CAMK4: variants seen among roughly 807,000 people sequenced by gnomAD.
CAMK4 encodes calcium/calmodulin dependent protein kinase IV.
In CAMK4, 22 loss-of-function variants were observed where a neutral mutation model predicts 44.9. The observed-to-expected ratio is 0.49, with a 90% CI of 0.35 to 0.70. The LOEUF is 0.70. CAMK4 is among the 30% of genes least tolerant of loss of function. CAMK4 has a pLI of 0.01. For missense variants in CAMK4, 498 were observed against 586.8 expected (o/e 0.85, Z 1.56); for synonymous variants, 218 against 215.4 (o/e 1.01, Z -0.11).
intron 1 of CAMK4, among the ~76,000 whole-genome samples, chr5:111,312,815 C>T (rs1226234704): frequency 6.6e-6 from 1 of 152,142 alleles, no homozygotes; most frequent in Non-Finnish European, 1.5e-5. Flanking sequence ...GCCCTATGCT[C>T]ATATGGTATC....
At chr5:111,334,344 G>C (rs1561420132) in intron 1 of CAMK4, among the ~76,000 whole-genome samples, 1 of 151,454 alleles carries the variant, frequency 6.6e-6, no homozygotes, top group East Asian at 2.0e-4. Context: ...TTCCCTCTTG[G>C]TGACCAAAGA....
chr5:111,335,374 A>G (rs1385741062), intron 1 of CAMK4, among the ~76,000 whole-genome samples: 1 of 151,350 alleles, frequency 6.6e-6, no homozygotes, highest in East Asian at 1.9e-4. Flanking sequence ...TTTGATCTGT[A>G]TTTGGCCCTT....
intron 4 of CAMK4, among the ~76,000 whole-genome samples, chr5:111,393,899 C>T (rs1263818319): frequency 6.8e-6 from 1 of 146,478 alleles, no homozygotes; most frequent in Admixed American, 6.8e-5. Flanking sequence ...TAAAGAATCA[C>T]ATTACCAAGC....
chr5:111,485,874 T>C lies in CAMK4; in HGVS notation c.*1408T>C, dbSNP rs1431645506. ...TAGAAATTGCACTATCTCCAATTTA[T>C]TTCTAGTTTGAGTTGAAATGAATAT... On this transcript the variant is annotated 3_prime_UTR_variant, in exon 11 of 11. Coordinates refer to ENST00000282356, the MANE Select transcript of CAMK4 (RefSeq NM_001744.6). 6.6e-6 allele frequency: 1 copy of C among 152,212 alleles called. No individual in the cohort carries two copies. Among genetic ancestry groups the C allele is most frequent in the Non-Finnish European group, 1.5e-5 (1 of 68,032 alleles). 9.4% of individuals were successfully genotyped at this position (152,212 alleles called of 1,614,324 possible). A position where few individuals can be genotyped will look rare whatever the true frequency, so the allele number is the denominator to read the frequency against.
chr5:111,285,408 TACTA>T (rs1305765755), intron 1 of CAMK4, among the ~76,000 whole-genome samples: 2 of 152,234 alleles, frequency 1.3e-5, no homozygotes, highest in Non-Finnish European at 2.9e-5. Flanking sequence ...TGTGGTACTT[TACTA>T]ACTTAGTTGT....
chr5:111,270,412 C>T (rs931019985), intron 1 of CAMK4, among the ~76,000 whole-genome samples: 2 of 152,150 alleles, frequency 1.3e-5, no homozygotes, highest in African/African-American at 2.4e-5. Context: ...CTGCCATGCC[C>T]CTGGCCTCTG....
chr5:111,458,421 C>G (rs1475479584), intron 7 of CAMK4, among the ~76,000 whole-genome samples: 1 of 152,164 alleles, frequency 6.6e-6, no homozygotes, highest in African/African-American at 2.4e-5. Context: ...AGCGGTTTCT[C>G]TGGAACTTTA....
rs567835766 is a variant in CAMK4 at position 111,411,499 on chromosome 5, C to T, written c.459+16717C>T. On this transcript the variant is annotated intron_variant, in intron 5 of 10. Coordinates refer to ENST00000282356, the MANE Select transcript of CAMK4 (RefSeq NM_001744.6). ...CTCCAAATTATTCAGAAATAAATTC[C>T]GCATAGTCAGGTGGAGGAACAGATG... 4.0e-4 allele frequency among the ~76,000 whole-genome samples: 61 copies of T among 152,264 alleles called. 1 individual carries two copies. The South Asian group carries it at 0.012, about 31-fold the overall frequency.
At chr5:111,312,629 T>A (rs1748256051) in intron 1 of CAMK4, among the ~76,000 whole-genome samples, 1 of 152,136 alleles carries the variant, frequency 6.6e-6, no homozygotes, top group Admixed American at 6.6e-5. Context: ...GCCAGAAATT[T>A]CAAGATACAA....
At chr5:111,327,179 C>T (rs1036646669) in intron 1 of CAMK4, among the ~76,000 whole-genome samples, 2 of 148,512 alleles carry the variant, frequency 1.3e-5, no homozygotes, top group African/African-American at 5.0e-5. Context: ...CCACAACAGT[C>T]CCTGGTGTGT....
intron 7 of CAMK4, among the ~76,000 whole-genome samples, chr5:111,472,501 A>G (rs889728002): frequency 1.3e-5 from 2 of 152,210 alleles, no homozygotes; most frequent in African/African-American, 4.8e-5. Flanking sequence ...AGGCAAACAA[A>G]TAACACCCTT....
At chr5:111,233,530 A>T (rs534195348) in intron 1 of CAMK4, among the ~76,000 whole-genome samples, 3 of 152,346 alleles carry the variant, frequency 2.0e-5, no homozygotes, top group African/African-American at 7.2e-5. Context: ...TACCGTGAAC[A>T]ATGTTCATAT....
intron 1 of CAMK4, among the ~76,000 whole-genome samples, chr5:111,298,544 C>T (rs960815914): frequency 5.9e-5 from 9 of 152,138 alleles, no homozygotes; most frequent in Non-Finnish European, 1.0e-4. Context: ...GGCCACTGTT[C>T]TCCCCACGTT....
rs967985276 is a variant in CAMK4 at position 111,489,080 on chromosome 5, T to A, written c.*4614T>A. The A allele has an allele frequency of 1.3e-5, 2 of 152,234 alleles. No homozygotes were observed. The highest frequency in any genetic ancestry group is 2.4e-5 in the African/African-American group (1 of 41,464). 9.4% of individuals were successfully genotyped at this position (152,234 alleles called of 1,614,324 possible). On this transcript the variant is annotated 3_prime_UTR_variant, in exon 11 of 11. Transcript: ENST00000282356. ...AACATTGTTTAATGGTTAGATGTTA[T>A]GTGTGTCTGCATTTAAAAAAATTGT...
intron 5 of CAMK4, among the ~76,000 whole-genome samples, chr5:111,402,939 C>G (rs1340947817): frequency 2.0e-5 from 3 of 152,164 alleles, no homozygotes; most frequent in South Asian, 2.1e-4. Flanking sequence ...TACAGTTTCT[C>G]AATGTTTCGG....
intron 5 of CAMK4, among the ~76,000 whole-genome samples, chr5:111,427,484 C>G (rs943786522): frequency 6.6e-6 from 1 of 152,096 alleles, no homozygotes; most frequent in South Asian, 2.1e-4. Context: ...TCTTGGGTGG[C>G]AATTTTGGAC....
chr5:111,474,727 C>G (rs114605286), intron 8 of CAMK4, among the ~76,000 whole-genome samples: 1 of 150,010 alleles, frequency 6.7e-6, no homozygotes, highest in Non-Finnish European at 1.5e-5. Context: ...CCCACAAGCA[C>G]GTTAGCAAAC....
chr5:111,243,304 T>C (rs1749086480), intron 1 of CAMK4, among the ~76,000 whole-genome samples: 1 of 152,098 alleles, frequency 6.6e-6, no homozygotes, highest in Non-Finnish European at 1.5e-5. Context: ...TTCCTGAAGA[T>C]AGCCAGGGTG....
In CAMK4 at chr5:111,482,966, T is replaced by C. The variant is rs1474378782; in HGVS notation, c.981+29T>C. 1 of 1,565,774 alleles carries C rather than the reference T, an allele frequency of 6.4e-7. No homozygotes were observed. Among genetic ancestry groups the C allele is most frequent in the South Asian group, 1.2e-5 (1 of 82,850 alleles). ...AGATAGCATATATTTTGTTTTGTTT[T>C]GTTTTGTTTTCAAAAAATTTATCTC... On this transcript the variant is annotated intron_variant, in intron 10 of 10. Coordinates refer to ENST00000282356, the MANE Select transcript of CAMK4 (RefSeq NM_001744.6). The surrounding 1 kb of genome is among the most constrained non-coding windows in gnomAD (Gnocchi z 4.9).
Sources: gnomAD v4.1 joint callset for allele counts (sites outside exome capture counted in the v4.1 genomes callset) on GRCh38, gnomAD v4.1.1 for gene constraint, Gnocchi (gnomAD v3.1) non-coding constraint, MANE v1.5 for transcripts, NCBI Gene and HGNC (gene_info 2026-07-23, HGNC 2026-07-21) for gene names.